PCDHGA6: variants seen among roughly 807,000 people sequenced by gnomAD.
The protein encoded by PCDHGA6 is protocadherin gamma subfamily A, 6, also known as protocadherin gamma-A6.
Under a neutral mutation model 60.6 loss-of-function variants are expected in PCDHGA6, and 41 were observed. That is an observed-to-expected ratio of 0.68 (90% CI 0.53 to 0.88). The LOEUF (loss-of-function observed/expected upper bound fraction) is 0.88, where lower values mean the gene tolerates loss of function less well. Among genes scored for constraint, PCDHGA6 ranks in the 40% least tolerant of loss-of-function variants. The pLI is 0.00. For synonymous variants in PCDHGA6, 594 were observed against 524.4 expected, an observed-to-expected ratio of 1.13 and a Z score of -1.81; for missense variants, 1,312 against 1,203.0, an observed-to-expected ratio of 1.09 and a Z score of -1.34.
chr5:141,394,968 T>A, intron 1 of PCDHGA6: 1 of 1,613,938 alleles, frequency 6.2e-7, no homozygotes, highest in Non-Finnish European at 8.5e-7. Flanking sequence ...GCTGAGGCGC[T>A]GGCACAAGTC....
At chr5:141,427,773 C>T (rs1285483564) in intron 1 of PCDHGA6, 1 of 1,414,460 alleles carries the variant, frequency 7.1e-7, no homozygotes, top group Non-Finnish European at 9.9e-7. Flanking sequence ...CTTGGAGCTG[C>T]GGGCACTGTC....
intron 1 of PCDHGA6, chr5:141,421,202 C>G (rs1345590720): frequency 6.6e-7 from 1 of 1,519,226 alleles, no homozygotes; most frequent in Non-Finnish European, 8.8e-7. Flanking sequence ...CTCGAGAAAC[C>G]GCGGAATATC....
rs1018097924 is a variant in PCDHGA6 at position 141,413,435 on chromosome 5, G to C, written c.2424+36928G>C. Reference sequence around the variant, plus strand: ...TTCTCTCTGAACCCGCGCAGCGGCAGCTTGATCACCGCGGGCAGGATAGAC... The same window carrying C: ...TTCTCTCTGAACCCGCGCAGCGGCACCTTGATCACCGCGGGCAGGATAGAC... On this transcript the variant is annotated intron_variant, in intron 1 of 3. Transcript: ENST00000517434. The C allele has an allele frequency of 6.2e-6, 10 of 1,614,004 alleles. No homozygotes were observed. The Admixed American group carries it at 1.7e-4, about 27-fold the overall frequency.
chr5:141,423,482 A>G, intron 1 of PCDHGA6: 2 of 1,613,968 alleles, frequency 1.2e-6, no homozygotes, highest in African/African-American at 1.3e-5. Flanking sequence ...GCTTTCCTGC[A>G]AACCTATTCC....
At chr5:141,427,355 C>T (rs765449381) in intron 1 of PCDHGA6, 2 of 457,430 alleles carry the variant, frequency 4.4e-6, no homozygotes, top group African/African-American at 2.0e-5. Flanking sequence ...TAACTGAGGA[C>T]GCAGAACCCT....
intron 1 of PCDHGA6, chr5:141,384,982 G>A: frequency 6.2e-7 from 1 of 1,614,144 alleles, no homozygotes; most frequent in South Asian, 1.1e-5. Context: ...GTACCTGGTG[G>A]TGGCGGTGGC....
In PCDHGA6 at chr5:141,490,113, C is replaced by G. The variant is rs2099696295; in HGVS notation, c.2425-4694C>G. Reference sequence around the variant, plus strand: ...ACCACACATCTGAGGCAGTGCGGAACCTCTTTGGCCTAGACCCTAGCAGTG... The same window carrying G: ...ACCACACATCTGAGGCAGTGCGGAAGCTCTTTGGCCTAGACCCTAGCAGTG... On this transcript the variant is annotated intron_variant, in intron 1 of 3. Transcript: ENST00000517434. This position sits in a 1 kb window ranked among gnomAD's most constrained non-coding sequence, Gnocchi z 5.4. 1 of 1,614,258 alleles carries G rather than the reference C, an allele frequency of 6.2e-7. No individual in the cohort carries two copies.
At chr5:141,389,508 G>A (rs369319162) in intron 1 of PCDHGA6, 3 of 1,613,090 alleles carry the variant, frequency 1.9e-6, no homozygotes, top group Non-Finnish European at 2.5e-6. Flanking sequence ...AGCGCTCAGC[G>A]CGAACGTGAG....
chr5:141,390,568 C>G (rs2092182781), intron 1 of PCDHGA6: 3 of 414,984 alleles, frequency 7.2e-6, no homozygotes, highest in East Asian at 4.5e-5. Flanking sequence ...GTTGTTGGCT[C>G]TCTCCTAAAA....
rs1245735294 is a variant in PCDHGA6, at chr5:141,397,953, C to T, written c.2424+21446C>T. 6.2e-6 allele frequency: 6 copies of T among 961,992 alleles called. No homozygotes were observed. In the Admixed American group the frequency reaches 1.2e-4, roughly 19 times the overall value. The allele number at this position is 961,992 out of a possible 1,614,324, so 59.6% of individuals were successfully genotyped here. ...CCGCAGCGCGCTTTCCAGGGCAGCC[C>T]CAGCTCAGACTCCCCAGCGCCGGCC... On this transcript the variant is annotated intron_variant, in intron 1 of 3. Transcript: ENST00000517434.
Position 141,446,243 on chromosome 5 carries a change from C to T in PCDHGA6, c.2425-48564C>T, listed in dbSNP as rs552551215. Among the ~76,000 whole-genome samples, 23 of 152,096 alleles carry T rather than the reference C, an allele frequency of 1.5e-4. 1 individual carries two copies. The South Asian group carries it at 4.6e-3, about 30-fold the overall frequency. On this transcript the variant is annotated intron_variant, in intron 1 of 3. Coordinates refer to ENST00000517434, the MANE Select transcript of PCDHGA6 (RefSeq NM_018919.3). ...TTGTGTTGCCTGGCAAGTGGTAGAT[C>T]TTCAGTGAAATATTATTAACTGAAT...
chr5:141,481,401 CT>C (rs2099537157), intron 1 of PCDHGA6, among the ~76,000 whole-genome samples: 1 of 152,204 alleles, frequency 6.6e-6, no homozygotes, highest in African/African-American at 2.4e-5. Flanking sequence ...TGACAAAATT[CT>C]TGTATAATTA....
intron 1 of PCDHGA6, among the ~76,000 whole-genome samples, chr5:141,474,061 T>A (rs2099339173): frequency 1.3e-5 from 2 of 152,058 alleles, no homozygotes; most frequent in Admixed American, 6.6e-5. Flanking sequence ...CAGAGCGAGA[T>A]CCTGCCTCAG....
At chr5:141,503,517 T>C (rs6878542) in intron 2 of PCDHGA6, among the ~76,000 whole-genome samples, 77,350 of 150,132 alleles carry the variant, frequency 0.52, 20,504 homozygotes, top group African/African-American at 0.63. Flanking sequence ...GAGAATCACT[T>C]GAACCTGGGA....
rs759737266 is a variant in PCDHGA6 at position 141,489,464 on chromosome 5, T to A, written c.2425-5343T>A. 5 of 1,614,030 alleles carry A rather than the reference T, an allele frequency of 3.1e-6. No homozygotes were observed. In the South Asian group the frequency reaches 3.3e-5, roughly 11 times the overall value. On this transcript the variant is annotated intron_variant, in intron 1 of 3. Transcript: ENST00000517434. The surrounding 1 kb of genome is among the most constrained non-coding windows in gnomAD (Gnocchi z 4.5). ...GGCTCTGAGGAGAATGGGCGCTATT[T>A]TTCCCTGAGCTTGATGAGTGGTGCC...
At chr5:141,479,620 G>A (rs2099501211) in intron 1 of PCDHGA6, 2 of 152,192 alleles carry the variant, frequency 1.3e-5, no homozygotes, top group African/African-American at 4.8e-5. Context: ...GGGAAACCAT[G>A]TCTCTTTAAC....
In PCDHGA6 at chr5:141,375,418, C is replaced by T; in HGVS notation, c.1335C>T (p.Thr445=). 2 of 1,613,972 alleles carry T rather than the reference C, an allele frequency of 1.2e-6. No individual in the cohort carries two copies. The highest frequency in any genetic ancestry group is 1.7e-6 in the Non-Finnish European group (2 of 1,180,036). ...ETIISLNVAD[T]NDNPPTFPHS... is the part of the protein sequence containing the mutation. ...TCATCTCTCTAAATGTGGCAGACAC[C>T]AACGACAACCCGCCCACCTTCCCCC... The change falls in exon 1 of 4, where the codon ACC becomes ACT. Residue 445 remains threonine, a synonymous_variant. Coordinates refer to ENST00000517434, the MANE Select transcript of PCDHGA6 (RefSeq NM_018919.3).
At chr5:141,441,793 C>T (rs961624726) in intron 1 of PCDHGA6, 7 of 391,390 alleles carry the variant, frequency 1.8e-5, no homozygotes, top group Non-Finnish European at 3.6e-5. Flanking sequence ...AATGACAACG[C>T]ACCGCGGGTG....
intron 1 of PCDHGA6, chr5:141,414,071 A>C: frequency 6.2e-7 from 1 of 1,606,780 alleles, no homozygotes; most frequent in Non-Finnish European, 8.5e-7. Flanking sequence ...TTCCAACTAA[A>C]CAAATATACT....
Sources: gnomAD v4.1 joint callset for allele counts (sites outside exome capture counted in the v4.1 genomes callset) on GRCh38, gnomAD v4.1.1 for gene constraint, Gnocchi (gnomAD v3.1) non-coding constraint, MANE v1.5 for transcripts, NCBI Gene and HGNC (gene_info 2026-07-23, HGNC 2026-07-21) for gene names.